Variants in NCOA2 observed in about 807,000 individuals in gnomAD.
NCOA2 encodes the protein nuclear receptor coactivator 2.
Under a neutral mutation model 145.1 loss-of-function variants are expected in NCOA2, and 21 were observed. The observed-to-expected ratio is 0.14, with a 90% CI of 0.10 to 0.21. NCOA2 has a LOEUF of 0.21. NCOA2 is among the 10% of genes least tolerant of loss of function. The probability of loss-of-function intolerance (pLI) is 1.00; values close to 1 mark genes in which losing one functional copy is unlikely to be tolerated. For synonymous variants in NCOA2, 619 were observed against 637.5 expected (o/e 0.97, Z 0.44); for missense variants, 1,472 against 1,837.6 (o/e 0.80, Z 3.64).
intron 2 of NCOA2, among the ~76,000 whole-genome samples, chr8:70,293,085 C>CT (rs1282210921): frequency 1.3e-5 from 2 of 152,098 alleles, no homozygotes; most frequent in African/African-American, 4.8e-5. Context: ...GCCTACCATG[C>CT]TGTCATTTGA....
intron 1 of NCOA2, among the ~76,000 whole-genome samples, chr8:70,394,488 A>T (rs1813484206): frequency 6.6e-6 from 1 of 152,252 alleles, no homozygotes; most frequent in Admixed American, 6.5e-5. Flanking sequence ...AAATATTTTT[A>T]CATCACACTT....
chr8:70,161,694 CA>C (rs1305409456), intron 9 of NCOA2, among the ~76,000 whole-genome samples: 1 of 152,096 alleles, frequency 6.6e-6, no homozygotes, highest in African/African-American at 2.4e-5. Context: ...TAACTAGCTA[CA>C]AATTTTTTTC....
At chr8:70,185,815 G>A (rs1184950569) in intron 4 of NCOA2, among the ~76,000 whole-genome samples, 4 of 152,210 alleles carry the variant, frequency 2.6e-5, no homozygotes, top group East Asian at 1.9e-4. Flanking sequence ...AAAATAAGTG[G>A]GTATATGAGA....
At chr8:70,384,849 G>A (rs1370887842) in intron 1 of NCOA2, among the ~76,000 whole-genome samples, 3 of 152,160 alleles carry the variant, frequency 2.0e-5, no homozygotes, top group African/African-American at 7.2e-5. Flanking sequence ...TGATACATCA[G>A]ATCATCTTTG....
At chr8:70,147,819 A>T (rs116744178) in intron 12 of NCOA2, among the ~76,000 whole-genome samples, 4,727 of 152,086 alleles carry the variant, frequency 0.031, 98 homozygotes, top group South Asian at 0.069. Flanking sequence ...ATTTTTTTTT[A>T]AATTTATTTT....
At chr8:70,379,988 T>C (rs1430320243) in intron 1 of NCOA2, among the ~76,000 whole-genome samples, 2 of 152,052 alleles carry the variant, frequency 1.3e-5, no homozygotes, top group Non-Finnish European at 2.9e-5. Context: ...AATAACTTAA[T>C]GAGGCTCAAA....
intron 1 of NCOA2, among the ~76,000 whole-genome samples, chr8:70,351,664 CA>C (rs1367384955): frequency 2.0e-5 from 3 of 149,882 alleles, no homozygotes; most frequent in African/African-American, 7.4e-5. Flanking sequence ...TAGCTCACTG[CA>C]AGCTCAAACT....
At chr8:70,302,956 A>C (rs1827621781) in intron 1 of NCOA2, among the ~76,000 whole-genome samples, 1 of 152,184 alleles carries the variant, frequency 6.6e-6, no homozygotes, top group African/African-American at 2.4e-5. Flanking sequence ...CATCACACTC[A>C]CGGATCTCAT....
rs781162263 is a variant in NCOA2 at position 70,157,080 on chromosome 8, C to T, written c.1285G>A (p.Gly429Ser). 1.2e-6 allele frequency: 2 copies of T among 1,613,978 alleles called. No individual in the cohort carries two copies. Among genetic ancestry groups the T allele is most frequent in the Middle Eastern group, 1.6e-4 (1 of 6,062 alleles). ...GGCATGCCCATTTGTTCCTTTGGGC[C>T]ATTTATGGGAAAATTTATATTGCTA... ...LSSNINFPIN[G>S]PKEQMGMPMG... is the part of the protein sequence containing the mutation. The change falls in exon 11 of 23, where the codon GGC becomes AGC. Residue 429 changes from glycine (G) to serine (S), a missense_variant. Around this residue, in one of 4 missense-constraint regions of NCOA2, gnomAD observed 953 missense variants for 1,062.1 expected, o/e 0.90. Transcript: ENST00000452400.
chr8:70,128,109 A>C (rs749822646), intron 18 of NCOA2, among the ~76,000 whole-genome samples: 2 of 152,200 alleles, frequency 1.3e-5, no homozygotes, highest in African/African-American at 2.4e-5. Context: ...CTGGATGATG[A>C]CAATGTTGTG....
intron 4 of NCOA2, among the ~76,000 whole-genome samples, chr8:70,191,972 G>A (rs1816738002): frequency 6.6e-6 from 1 of 152,158 alleles, no homozygotes; most frequent in East Asian, 1.9e-4. Flanking sequence ...AACCTGGGAG[G>A]CAGAGGCTGC....
At chr8:70,234,089 T>C (rs529193695) in intron 2 of NCOA2, among the ~76,000 whole-genome samples, 2 of 152,196 alleles carry the variant, frequency 1.3e-5, no homozygotes, top group South Asian at 2.1e-4. Flanking sequence ...AATATGAACA[T>C]TTCATATAAA....
chr8:70,249,109 T>C (rs1244390348), intron 2 of NCOA2, among the ~76,000 whole-genome samples: 1 of 152,074 alleles, frequency 6.6e-6, no homozygotes, highest in South Asian at 2.1e-4. Context: ...CACAACTGGC[T>C]CTAAGAAAGA....
At chr8:70,224,747 T>G (rs1357616125) in intron 2 of NCOA2, among the ~76,000 whole-genome samples, 2 of 151,074 alleles carry the variant, frequency 1.3e-5, no homozygotes, top group African/African-American at 4.9e-5. Flanking sequence ...AAACTCACAC[T>G]TGATACGTTA....
intron 1 of NCOA2, among the ~76,000 whole-genome samples, chr8:70,403,197 CCTT>C (rs1814525469): frequency 6.6e-6 from 1 of 151,364 alleles, no homozygotes; most frequent in Non-Finnish European, 1.5e-5. Flanking sequence ...CCAGGATTCA[CCTT>C]CTCGGCTCTG....
At chr8:70,262,276 G>A (rs753924120) in intron 2 of NCOA2, among the ~76,000 whole-genome samples, 20 of 152,094 alleles carry the variant, frequency 1.3e-4, no homozygotes, top group Non-Finnish European at 2.6e-4. Context: ...TTCAAACCCA[G>A]AGTCTCACTT....
intron 2 of NCOA2, among the ~76,000 whole-genome samples, chr8:70,278,483 G>T (rs533889063): frequency 7.9e-5 from 12 of 152,226 alleles, no homozygotes; most frequent in African/African-American, 2.6e-4. Context: ...CAGGTCTTTT[G>T]TAAGACCTGG....
At chr8:70,306,911 G>C (rs765178550) in intron 1 of NCOA2, among the ~76,000 whole-genome samples, 11 of 152,058 alleles carry the variant, frequency 7.2e-5, no homozygotes, top group Non-Finnish European at 1.6e-4. Flanking sequence ...AGGAAACTAA[G>C]AGAAGTTAAG....
At chr8:70,239,129 G>C (rs1418082366) in intron 2 of NCOA2, among the ~76,000 whole-genome samples, 1 of 152,104 alleles carries the variant, frequency 6.6e-6, no homozygotes, top group Non-Finnish European at 1.5e-5. Context: ...TTAGAAGACT[G>C]TGTTCCAGAA....
Sources: allele counts gnomAD v4.1 joint callset (sites outside exome capture counted in the v4.1 genomes callset), GRCh38; gene constraint gnomAD v4.1.1; regional missense constraint gnomAD v4.1.1; transcripts MANE v1.5; gene names NCBI Gene and HGNC (gene_info 2026-07-23, HGNC 2026-07-21).